The following TRIM16 variants were observed in gnomAD, a reference collection of about 807,000 sequenced individuals.
The protein encoded by TRIM16 is tripartite motif containing 16.
A neutral mutation model predicts 50.4 loss-of-function variants in TRIM16; 33 were observed. The ratio of observed to expected loss-of-function variants is 0.65; its 90% CI spans 0.50 to 0.88. The LOEUF is 0.88. Among genes scored for constraint, TRIM16 ranks in the 40% least tolerant of loss-of-function variants. TRIM16 has a pLI of 0.00. For missense variants in TRIM16, 581 were observed against 686.8 expected, an observed-to-expected ratio of 0.85 and a Z score of 1.72; for synonymous variants, 229 against 270.7, an observed-to-expected ratio of 0.85 and a Z score of 1.51.
At chr17:15,656,132 T>A (rs1320584205) in intron 6 of TRIM16, among the ~76,000 whole-genome samples, 1 of 151,818 alleles carries the variant, frequency 6.6e-6, no homozygotes, top group Non-Finnish European at 1.5e-5. Context: ...AACTTCTAAG[T>A]CCCCTCTAAT....
intron 6 of TRIM16, among the ~76,000 whole-genome samples, chr17:15,658,606 T>C (rs559547537): frequency 4.6e-5 from 7 of 152,240 alleles, no homozygotes; most frequent in Non-Finnish European, 8.8e-5. Flanking sequence ...TTCCTCCTTT[T>C]CTGGAATTAA....
chr17:15,678,218 CA>C (rs201145852), intron 4 of TRIM16, among the ~76,000 whole-genome samples: 233 of 103,606 alleles, frequency 2.2e-3, no homozygotes, highest in Admixed American at 1.9e-3. Flanking sequence ...GACTGTGTCT[CA>C]AAAAAAAAAA....
Position 15,640,229 on chromosome 17 carries a change from G to A in TRIM16, c.615+2492C>T, listed in dbSNP as rs1481520159. Among the ~76,000 whole-genome samples, 3 of 148,144 alleles carry A rather than the reference G, an allele frequency of 2.0e-5. 1 individual carries two copies. The highest frequency in any genetic ancestry group is 4.5e-5 in the Non-Finnish European group (3 of 66,922). ...TGTGCCTGCAGTATAGCACTGAGCT[G>A]GCACAGCCTGACCTCTCCCTCTGGG... On this transcript the variant is annotated intron_variant, in intron 8 of 11. Transcript: ENST00000649191.
At chr17:15,634,817 C>T (rs1188673773) in intron 9 of TRIM16, among the ~76,000 whole-genome samples, 2 of 148,808 alleles carry the variant, frequency 1.3e-5, no homozygotes, top group Admixed American at 1.3e-4. Flanking sequence ...TCTCAAAAAA[C>T]AACACACACA....
Position 15,665,656 on chromosome 17 carries a change from T to C in TRIM16, c.-338+11520A>G, listed in dbSNP as rs532623103. ...ATTACTTTTCAGTCCAATTTTCTTATTCCTCTTCCTCTGCCTGAAAAGGTG... is the reference window on the plus strand; with the variant it reads ...ATTACTTTTCAGTCCAATTTTCTTACTCCTCTTCCTCTGCCTGAAAAGGTG... On this transcript the variant is annotated intron_variant, in intron 6 of 11. Coordinates refer to ENST00000649191, the MANE Select transcript of TRIM16 (RefSeq NM_001348119.1). Among the ~76,000 whole-genome samples, 6 of 152,218 alleles carry C rather than the reference T, an allele frequency of 3.9e-5. No individual in the cohort carries two copies. The East Asian group carries it at 1.2e-3, about 29-fold the overall frequency.
At chr17:15,630,000 T>C (rs960485014) in intron 11 of TRIM16, among the ~76,000 whole-genome samples, 6 of 152,224 alleles carry the variant, frequency 3.9e-5, no homozygotes, top group South Asian at 2.1e-4. Flanking sequence ...AGGCCAGTCG[T>C]GTTATTCTAG....
At chr17:15,679,622 A>C (rs1445330153) in intron 4 of TRIM16, among the ~76,000 whole-genome samples, 1 of 152,208 alleles carries the variant, frequency 6.6e-6, no homozygotes, top group Non-Finnish European at 1.5e-5. Flanking sequence ...AGAGAGACAC[A>C]TGGTAAGTAA....
intron 6 of TRIM16, among the ~76,000 whole-genome samples, chr17:15,671,380 CTAATT>C (rs1031293679): frequency 2.6e-4 from 38 of 144,886 alleles, no homozygotes; most frequent in Non-Finnish European, 5.4e-4. Flanking sequence ...CTTAATTACA[CTAATT>C]TATCTTTTGG....
Position 15,651,277 on chromosome 17 carries a change from G to C in TRIM16, c.333C>G (p.Asn111Lys). 6.2e-7 allele frequency: 1 copy of C among 1,614,246 alleles called. No homozygotes were observed. The highest frequency in any genetic ancestry group is 8.5e-7 in the Non-Finnish European group (1 of 1,180,040). ...TCAGCAGGTGGCTTTGCAGTTTGAT[G>C]TTCACCTGATGCGGCTGCAAGTGCT... ...CEEHLQPHQV[N>K]IKLQSHLLTE... The change falls in exon 7 of 12, where the codon AAC becomes AAG. Residue 111 changes from asparagine (N) to lysine (K), a missense_variant. Physicochemically the swap from Asn to Lys is moderately conservative, Grantham distance 94 (BLOSUM62 0). Coordinates refer to ENST00000649191, the MANE Select transcript of TRIM16 (RefSeq NM_001348119.1).
Position 15,651,531 on chromosome 17 carries a change from A to T in TRIM16, c.79T>A (p.Ser27Thr). The T allele has an allele frequency of 1.2e-6, 2 of 1,613,736 alleles. No individual in the cohort carries two copies. The highest frequency in any genetic ancestry group is 8.5e-7 in the Non-Finnish European group (1 of 1,179,846). Residue 27 changes from serine to threonine, a missense_variant, in exon 7 of 12, where the codon TCT becomes ACT. Around this residue, in one of 3 missense-constraint regions of TRIM16, gnomAD observed 450 missense variants for 544.3 expected, o/e 0.83. Coordinates refer to ENST00000649191, the MANE Select transcript of TRIM16 (RefSeq NM_001348119.1). ...CCAGAATCTGGGCTGGGTGACCCAG[A>T]GTCTGGGCTGAGAGGGGCTGGGGGC... Reference protein sequence around the residue: ...AQPPAPLSPDSGSPSPDSGSA... With the variant: ...AQPPAPLSPDTGSPSPDSGSA...
Position 15,628,788 on chromosome 17 carries a change from A to T in TRIM16, c.1522T>A (p.Phe508Ile). 1 of 1,614,218 alleles carries T rather than the reference A, an allele frequency of 6.2e-7. No individual in the cohort carries two copies. The highest frequency in any genetic ancestry group is 8.5e-7 in the Non-Finnish European group (1 of 1,180,030). Residue 508 changes from phenylalanine to isoleucine, a missense_variant, in exon 12 of 12, where the codon TTC becomes ATC. This residue lies in a region of TRIM16 where 115 missense variants were observed against 106.7 expected (regional missense o/e 1.08). Coordinates refer to ENST00000649191, the MANE Select transcript of TRIM16 (RefSeq NM_001348119.1). Reference protein sequence around the residue: ...YIDFPGGILSFYGVEYDTMTL... With the variant: ...YIDFPGGILSIYGVEYDTMTL... ...ATGGTATCATACTCTACGCCATAGAAGGAAAGGATCCCTCCCGGGAAGTCG... is the reference window on the plus strand; with the variant it reads ...ATGGTATCATACTCTACGCCATAGATGGAAAGGATCCCTCCCGGGAAGTCG...
At chr17:15,665,365 C>T (rs1211596968) in intron 6 of TRIM16, among the ~76,000 whole-genome samples, 1 of 152,114 alleles carries the variant, frequency 6.6e-6, no homozygotes, top group South Asian at 2.1e-4. Context: ...AAAAATTAGC[C>T]GGGCATGGTG....
chr17:15,678,311 G>A (rs1224613130), intron 4 of TRIM16, among the ~76,000 whole-genome samples: 2 of 151,910 alleles, frequency 1.3e-5, no homozygotes, highest in Non-Finnish European at 2.9e-5. Flanking sequence ...TAGCAAAATC[G>A]TTCTAAATAA....
intron 6 of TRIM16, among the ~76,000 whole-genome samples, chr17:15,672,806 G>A (rs1340368609): frequency 6.6e-6 from 1 of 152,128 alleles, no homozygotes; most frequent in Non-Finnish European, 1.5e-5. Context: ...TACAGTCAGA[G>A]TAAACTGAAA....
chr17:15,651,196 C>G lies in TRIM16; in HGVS notation c.414G>C (p.Leu138=). Residue 138 remains leucine (L), a synonymous_variant, in exon 7 of 12, where the codon CTG becomes CTC. Coordinates refer to ENST00000649191, the MANE Select transcript of TRIM16 (RefSeq NM_001348119.1). ...GCTGATCAGGGCAGCAGAAGGCAGA[C>G]AGTGGGCTGTGGTGGGCAGGGCAGT... ...WRYCPAHHSP[L]SAFCCPDQQC... is the part of the protein sequence containing the mutation. The G allele has an allele frequency of 6.2e-7, 1 of 1,614,234 alleles. No homozygotes were observed. The highest frequency in any genetic ancestry group is 8.5e-7 in the Non-Finnish European group (1 of 1,180,048).
intron 6 of TRIM16, among the ~76,000 whole-genome samples, chr17:15,671,438 G>A (rs558998947): frequency 1.1e-4 from 17 of 151,218 alleles, no homozygotes; most frequent in African/African-American, 3.7e-4. Context: ...TTCTTGTTAA[G>A]TAAAATATAA....
At chr17:15,634,458 C>T (rs1465044270) in intron 9 of TRIM16, among the ~76,000 whole-genome samples, 5 of 148,358 alleles carry the variant, frequency 3.4e-5, no homozygotes, top group African/African-American at 1.0e-4. Flanking sequence ...GGAGAAACCC[C>T]GTCTCTACTA....
intron 10 of TRIM16, among the ~76,000 whole-genome samples, chr17:15,632,307 G>A (rs1986468037): frequency 6.6e-6 from 1 of 152,074 alleles, no homozygotes; most frequent in Non-Finnish European, 1.5e-5. Context: ...AACCCGGGAG[G>A]CAGAGGTTGC....
Position 15,651,651 on chromosome 17 carries a change from G to C in TRIM16, c.-42C>G, listed in dbSNP as rs760887367. 6.3e-7 allele frequency: 1 copy of C among 1,592,282 alleles called. No homozygotes were observed. Among genetic ancestry groups the C allele is most frequent in the Non-Finnish European group, 8.5e-7 (1 of 1,170,140 alleles). On this transcript the variant is annotated 5_prime_UTR_variant, in exon 7 of 12. Coordinates refer to ENST00000649191, the MANE Select transcript of TRIM16 (RefSeq NM_001348119.1). ...CTAGGCTGTCTTTCTTCTGTCCCTT[G>C]GCCCAGGATCTGTGCAGCCCAAGTC...
Sources: gnomAD v4.1 joint callset for allele counts (sites outside exome capture counted in the v4.1 genomes callset) on GRCh38, gnomAD v4.1.1 for gene constraint, gnomAD v4.1.1 regional missense constraint, MANE v1.5 for transcripts, NCBI Gene and HGNC (gene_info 2026-07-23, HGNC 2026-07-21) for gene names.